The following ASIC2 variants were observed in gnomAD, a reference collection of about 807,000 sequenced individuals.
ASIC2 encodes acid-sensing ion channel 2.
In ASIC2, 25 loss-of-function variants were observed where a neutral mutation model predicts 57.3. The observed-to-expected ratio is 0.44, with a 90% CI of 0.32 to 0.61. ASIC2 has a LOEUF of 0.61. Ranked by LOEUF, ASIC2 falls within the 20% of genes least tolerant of loss-of-function variation. ASIC2 has a pLI of 0.06. For missense variants in ASIC2, 641 were observed against 738.1 expected, an observed-to-expected ratio of 0.87 and a Z score of 1.52; for synonymous variants, 319 against 307.5, an observed-to-expected ratio of 1.04 and a Z score of -0.39.
chr17:33,246,510 T>A (rs971266268), intron 1 of ASIC2, among the ~76,000 whole-genome samples: 1 of 152,090 alleles, frequency 6.6e-6, no homozygotes, highest in African/African-American at 2.4e-5. Context: ...GGCAGCCAGA[T>A]CAGTAGAAAG....
At chr17:33,646,810 C>CGG (rs1906755854) in intron 1 of ASIC2, among the ~76,000 whole-genome samples, 1 of 151,918 alleles carries the variant, frequency 6.6e-6, no homozygotes, top group Non-Finnish European at 1.5e-5. Context: ...TTGTAATTAT[C>CGG]AACCAATAGT....
rs113528116 is a variant in ASIC2, at chr17:33,776,669, C to CG, written c.555+379308dup. On this transcript the variant is annotated intron_variant, in intron 1 of 9. Transcript: ENST00000359872. ...CAGGGGCAAGCAAACACACAAAGGC[C>CG]GGGGGGTCCAGTGTGGTGCTGAGTG... 2.3e-3 allele frequency among the ~76,000 whole-genome samples: 344 copies of CG among 152,196 alleles called. 2 individuals are homozygous for CG. The highest frequency in any genetic ancestry group is 7.9e-3 in the African/African-American group (326 of 41,518).
At chr17:33,933,123 C>T (rs1028395093) in intron 1 of ASIC2, among the ~76,000 whole-genome samples, 3 of 152,148 alleles carry the variant, frequency 2.0e-5, no homozygotes, top group African/African-American at 7.2e-5. Flanking sequence ...TGCTTTTCAG[C>T]ATAGCCAGCC....
chr17:33,546,458 C>T (rs1404039393), intron 1 of ASIC2, among the ~76,000 whole-genome samples: 3 of 151,954 alleles, frequency 2.0e-5, no homozygotes, highest in Non-Finnish European at 2.9e-5. Flanking sequence ...TTGGAGGCAC[C>T]CGAGTATGAT....
chr17:34,064,743 G>A (rs1435609717), intron 1 of ASIC2, among the ~76,000 whole-genome samples: 1 of 152,104 alleles, frequency 6.6e-6, no homozygotes, highest in African/African-American at 2.4e-5. Flanking sequence ...ATTCTCAAAA[G>A]AAGATACACA....
At chr17:33,044,328 A>G (rs1410965230) in intron 3 of ASIC2, among the ~76,000 whole-genome samples, 1 of 150,442 alleles carries the variant, frequency 6.6e-6, no homozygotes, top group Non-Finnish European at 1.5e-5. Context: ...CCATCTTCCC[A>G]TGCCCCCCAC....
intron 1 of ASIC2, among the ~76,000 whole-genome samples, chr17:33,494,838 A>T (rs1436064998): frequency 6.6e-6 from 1 of 152,140 alleles, no homozygotes; most frequent in Non-Finnish European, 1.5e-5. Flanking sequence ...AGATATGGAG[A>T]TAGAAAGTGA....
chr17:33,604,600 A>G (rs371288269), intron 1 of ASIC2, among the ~76,000 whole-genome samples: 2 of 152,146 alleles, frequency 1.3e-5, no homozygotes, highest in African/African-American at 2.4e-5. Context: ...AGGGCATTCC[A>G]CCTGAGGGGT....
At chr17:34,034,713 C>CT (rs1166714527) in intron 1 of ASIC2, among the ~76,000 whole-genome samples, 1 of 152,114 alleles carries the variant, frequency 6.6e-6, no homozygotes, top group African/African-American at 2.4e-5. Flanking sequence ...TCTTATACAC[C>CT]AATAACAGAC....
chr17:33,431,772 A>C (rs117590386), intron 1 of ASIC2, among the ~76,000 whole-genome samples: 1 of 152,254 alleles, frequency 6.6e-6, no homozygotes, highest in Non-Finnish European at 1.5e-5. Context: ...AAACATCATA[A>C]AAATATTGAG....
chr17:33,172,439 G>T (rs1905558912), intron 1 of ASIC2, among the ~76,000 whole-genome samples: 1 of 152,192 alleles, frequency 6.6e-6, no homozygotes, highest in South Asian at 2.1e-4. Context: ...AAACATGGTG[G>T]GAATGGCAGT....
intron 1 of ASIC2, among the ~76,000 whole-genome samples, chr17:33,997,132 T>C (rs12453540): frequency 0.11 from 17,414 of 151,774 alleles, 1,424 homozygotes; most frequent in East Asian, 0.34. Flanking sequence ...CCTAAATTTA[T>C]TTATTTATTT....
chr17:33,579,442 G>A (rs540266700), intron 1 of ASIC2, among the ~76,000 whole-genome samples: 87 of 152,140 alleles, frequency 5.7e-4, no homozygotes, highest in Non-Finnish European at 1.1e-3. Flanking sequence ...CTAGGGCTGC[G>A]GGGTACCCAT....
At position 33,292,425 on chromosome 17, in the gene ASIC2, T is replaced by G; in HGVS notation, c.-310A>C. 1.0e-6 allele frequency: 1 copy of G among 985,564 alleles called. No individual in the cohort carries two copies. The allele number at this position is 985,564 out of a possible 1,614,324, so 61.1% of individuals were successfully genotyped here. A position where few individuals can be genotyped will look rare whatever the true frequency, so the allele number is the denominator to read the frequency against. ...GAGGATGCCCGGCGCCCGGCACTACTTCTGGAGGGGTCCCACTGGGAGCCG... is the reference window on the plus strand; with the variant it reads ...GAGGATGCCCGGCGCCCGGCACTACGTCTGGAGGGGTCCCACTGGGAGCCG... On this transcript the variant is annotated 5_prime_UTR_variant, in exon 1 of 10. Transcript: ENST00000225823.
chr17:33,579,196 G>A (rs909857366), intron 1 of ASIC2, among the ~76,000 whole-genome samples: 1 of 150,202 alleles, frequency 6.7e-6, no homozygotes, highest in African/African-American at 2.5e-5. Context: ...TGAGGCAGGA[G>A]AATCGCTTGA....
At chr17:33,635,803 C>T (rs74772684) in intron 1 of ASIC2, among the ~76,000 whole-genome samples, 1,811 of 152,184 alleles carry the variant, frequency 0.012, 11 homozygotes, top group Non-Finnish European at 0.016. Context: ...CTGGTAGGTC[C>T]CCATTGGAAC....
At chr17:33,477,572 G>T (rs578118482) in intron 1 of ASIC2, among the ~76,000 whole-genome samples, 1 of 152,304 alleles carries the variant, frequency 6.6e-6, no homozygotes, top group African/African-American at 2.4e-5. Flanking sequence ...ACTTAAGAGG[G>T]CAAGGGGAAT....
At chr17:34,090,730 C>T (rs1011360954) in intron 1 of ASIC2, among the ~76,000 whole-genome samples, 2 of 152,136 alleles carry the variant, frequency 1.3e-5, no homozygotes, top group Non-Finnish European at 2.9e-5. Flanking sequence ...CCACTCCCCA[C>T]ATCCACACTC....
At chr17:34,092,014 G>T (rs1330355532) in intron 1 of ASIC2, among the ~76,000 whole-genome samples, 2 of 152,150 alleles carry the variant, frequency 1.3e-5, no homozygotes, top group Non-Finnish European at 2.9e-5. Context: ...CTTAGAAGCA[G>T]CTCAGCGATA....
Sources: gnomAD v4.1 joint callset for allele counts (sites outside exome capture counted in the v4.1 genomes callset) on GRCh38, gnomAD v4.1.1 for gene constraint, MANE v1.5 for transcripts, NCBI Gene and HGNC (gene_info 2026-07-23, HGNC 2026-07-21) for gene names.